Variants in SLC4A10 observed in about 807,000 individuals in gnomAD.
The protein encoded by SLC4A10 is sodium-driven chloride bicarbonate exchanger.
SLC4A10 carries 42 observed loss-of-function variants against 137.7 expected under a neutral mutation model. That is an observed-to-expected ratio of 0.30 (90% confidence interval 0.24 to 0.39). SLC4A10 has a LOEUF of 0.39. Ranked by LOEUF, SLC4A10 falls within the 10% of genes least tolerant of loss-of-function variation. SLC4A10 has a pLI of 1.00. For missense variants in SLC4A10, 925 were observed against 1,355.0 expected (o/e 0.68, Z 4.98); for synonymous variants, 474 against 464.1 (o/e 1.02, Z -0.27).
chr2:161,637,101 A>T (rs2034547045), intron 1 of SLC4A10, among the ~76,000 whole-genome samples: 1 of 125,412 alleles, frequency 8.0e-6, no homozygotes, highest in African/African-American at 2.8e-5. Context: ...ATACGTATAT[A>T]CGTATTTATG....
intron 1 of SLC4A10, among the ~76,000 whole-genome samples, chr2:161,633,161 G>A (rs966555235): frequency 6.6e-6 from 1 of 151,618 alleles, no homozygotes; most frequent in Non-Finnish European, 1.5e-5. Context: ...TATGGAAGAT[G>A]CACTTTCAAC....
chr2:161,899,691 C>T (rs1242088269), intron 11 of SLC4A10, among the ~76,000 whole-genome samples: 2 of 151,978 alleles, frequency 1.3e-5, no homozygotes, highest in Non-Finnish European at 2.9e-5. Context: ...TTTCTGAGAC[C>T]TGTGAAAGCT....
chr2:161,880,531 A>G (rs1015506739), intron 9 of SLC4A10, among the ~76,000 whole-genome samples: 2 of 152,120 alleles, frequency 1.3e-5, no homozygotes, highest in African/African-American at 2.4e-5. Flanking sequence ...GATTATAGAA[A>G]GAAGTCTATG....
At chr2:161,892,427 C>A (rs1470642792) in intron 10 of SLC4A10, among the ~76,000 whole-genome samples, 3 of 151,492 alleles carry the variant, frequency 2.0e-5, no homozygotes, top group Non-Finnish European at 3.0e-5. Context: ...TAAAAAAAAT[C>A]TCTTTCTCAA....
At chr2:161,795,050 A>AT (rs1033700160) in intron 2 of SLC4A10, among the ~76,000 whole-genome samples, 5 of 151,542 alleles carry the variant, frequency 3.3e-5, no homozygotes, top group African/African-American at 9.7e-5. Context: ...AGGAGGTAAA[A>AT]TTTTTTTTTA....
At chr2:161,932,110 T>TTC (rs1559562237) in intron 15 of SLC4A10, among the ~76,000 whole-genome samples, 1 of 152,182 alleles carries the variant, frequency 6.6e-6, no homozygotes, top group Non-Finnish European at 1.5e-5. Flanking sequence ...GCCTTTTTTT[T>TTC]CTGAGATAAA....
chr2:161,810,219 G>A (rs779891331), intron 3 of SLC4A10, among the ~76,000 whole-genome samples: 2 of 151,944 alleles, frequency 1.3e-5, no homozygotes, highest in Non-Finnish European at 2.9e-5. Flanking sequence ...CATTGATTTT[G>A]TCTCCTGAAA....
chr2:161,777,331 C>T (rs1349437417), intron 2 of SLC4A10, among the ~76,000 whole-genome samples: 1 of 151,630 alleles, frequency 6.6e-6, no homozygotes, highest in Non-Finnish European at 1.5e-5. Flanking sequence ...TTGGTTGTGT[C>T]CTTTGATGCA....
chr2:161,668,183 T>G (rs1181250759), intron 1 of SLC4A10, among the ~76,000 whole-genome samples: 1 of 151,748 alleles, frequency 6.6e-6, no homozygotes, highest in Non-Finnish European at 1.5e-5. Context: ...TGAGTCCTGT[T>G]TAGGTCTGAC....
chr2:161,729,954 C>T (rs2046654486), intron 1 of SLC4A10, among the ~76,000 whole-genome samples: 2 of 152,084 alleles, frequency 1.3e-5, no homozygotes, highest in South Asian at 2.1e-4. Context: ...ATTAGGTTTG[C>T]TGGAATATAA....
chr2:161,919,617 T>C (rs1259037665), intron 15 of SLC4A10, among the ~76,000 whole-genome samples: 3 of 152,164 alleles, frequency 2.0e-5, no homozygotes, highest in African/African-American at 4.8e-5. Context: ...CTACCCACTT[T>C]GGGCCTCCTG....
intron 1 of SLC4A10, among the ~76,000 whole-genome samples, chr2:161,733,651 G>A (rs2047036048): frequency 6.6e-6 from 1 of 152,238 alleles, no homozygotes; most frequent in Non-Finnish European, 1.5e-5. Context: ...CTATCCTCCA[G>A]ATCCCAGAAT....
At chr2:161,784,355 A>C (rs969172438) in intron 2 of SLC4A10, among the ~76,000 whole-genome samples, 1 of 151,912 alleles carries the variant, frequency 6.6e-6, no homozygotes, top group African/African-American at 2.4e-5. Flanking sequence ...CGGGCAAAAC[A>C]GAGCAAAAGG....
intron 2 of SLC4A10, among the ~76,000 whole-genome samples, chr2:161,800,678 A>G (rs2055284480): frequency 6.6e-6 from 1 of 152,090 alleles, no homozygotes. Context: ...GAATGACAGT[A>G]TGCAAAGAGC....
chr2:161,753,989 A>G (rs2049302749), intron 1 of SLC4A10, among the ~76,000 whole-genome samples: 1 of 151,770 alleles, frequency 6.6e-6, no homozygotes, highest in Non-Finnish European at 1.5e-5. Flanking sequence ...TCCTGGGTTC[A>G]AGTGATTCTC....
intron 8 of SLC4A10, 23 bp from the exon 9 acceptor site, chr2:161,879,106 CAT>C (rs757001318): frequency 6.2e-7 from 1 of 1,607,238 alleles, no homozygotes; most frequent in South Asian, 1.1e-5. Flanking sequence ...TTTGATTTAT[CAT>C]ATTTACCTGG....
intron 17 of SLC4A10, 109 bp downstream of exon 17, chr2:161,947,836 AG>A: frequency 8.0e-7 from 1 of 1,242,750 alleles, no homozygotes; most frequent in Non-Finnish European, 1.1e-6. Context: ...GTGAGCTGCC[AG>A]GTTAGTTGTG....
chr2:161,815,706 T>G (rs1227868881), intron 3 of SLC4A10, among the ~76,000 whole-genome samples: 1 of 152,160 alleles, frequency 6.6e-6, no homozygotes, highest in Non-Finnish European at 1.5e-5. Flanking sequence ...CTTGGGTGTT[T>G]CCCTAGGCAC....
At chr2:161,909,538 C>A (rs1191776953) in intron 15 of SLC4A10, among the ~76,000 whole-genome samples, 1 of 152,168 alleles carries the variant, frequency 6.6e-6, no homozygotes, top group Admixed American at 6.5e-5. Context: ...GTGACAGAAA[C>A]AATGACAGTC....
Sources: gnomAD v4.1 joint callset for allele counts (sites outside exome capture counted in the v4.1 genomes callset) on GRCh38, gnomAD v4.1.1 for gene constraint, MANE v1.5 for transcripts, NCBI Gene and HGNC (gene_info 2026-07-23, HGNC 2026-07-21) for gene names.